Variants in TSPAN12 observed in about 807,000 individuals in gnomAD.
TSPAN12 encodes the protein tetraspanin 12.
A neutral mutation model predicts 39.2 loss-of-function variants in TSPAN12; 19 were observed. That is an observed-to-expected ratio of 0.49 (90% CI 0.34 to 0.71). The LOEUF (loss-of-function observed/expected upper bound fraction) is 0.71, where lower values mean the gene tolerates loss of function less well. Among genes scored for constraint, TSPAN12 ranks in the 30% least tolerant of loss-of-function variants. TSPAN12 has a pLI of 0.01. For missense variants in TSPAN12, 314 were observed against 359.9 expected (o/e 0.87, Z 1.03); for synonymous variants, 119 against 124.8 (o/e 0.95, Z 0.31).
At chr7:120,827,701 C>T (rs1296645617) in intron 4 of TSPAN12, among the ~76,000 whole-genome samples, 1 of 152,148 alleles carries the variant, frequency 6.6e-6, no homozygotes, top group Admixed American at 6.5e-5. Context: ...CCAATGATGA[C>T]GTGAGGAAAG....
chr7:120,806,682 C>A lies in TSPAN12; in HGVS notation c.479G>T (p.Cys160Phe). ...CCAGTCAGTGAAATATACTACTCCA[C>A]AGCACTTAAACTGCAAAAAAAATCA... is the stretch of plus-strand genomic sequence containing the variant. ...WNFFQREFKC[C>F]GVVYFTDWLE... The change falls in exon 7 of 8, where the codon TGT becomes TTT. Residue 160 changes from cysteine (C) to phenylalanine (F), a missense_variant. Coordinates refer to ENST00000222747, the MANE Select transcript of TSPAN12 (RefSeq NM_012338.4). 1 of 1,613,278 alleles carries A rather than the reference C, an allele frequency of 6.2e-7. No homozygotes were observed. The highest frequency in any genetic ancestry group is 8.5e-7 in the Non-Finnish European group (1 of 1,179,432).
At chr7:120,803,449 T>G (rs1793812724) in intron 7 of TSPAN12, among the ~76,000 whole-genome samples, 1 of 152,190 alleles carries the variant, frequency 6.6e-6, no homozygotes, top group Non-Finnish European at 1.5e-5. Flanking sequence ...AGGAAACATA[T>G]GTTCTCCAGG....
chr7:120,803,033 G>T (rs1793804206), intron 7 of TSPAN12, among the ~76,000 whole-genome samples: 1 of 152,154 alleles, frequency 6.6e-6, no homozygotes. Context: ...AGATAAGAGA[G>T]ACCTTGCGGT....
chr7:120,810,126 A>G (rs1205383767), intron 6 of TSPAN12, among the ~76,000 whole-genome samples: 4 of 152,178 alleles, frequency 2.6e-5, no homozygotes, highest in Non-Finnish European at 4.4e-5. Context: ...GAGAGCTCTA[A>G]AAGTCATGAA....
chr7:120,825,402 C>T (rs1376766108), intron 4 of TSPAN12, among the ~76,000 whole-genome samples: 2 of 152,080 alleles, frequency 1.3e-5, no homozygotes, highest in East Asian at 3.9e-4. Context: ...ATTCATCTCC[C>T]CCCAACTAAA....
intron 7 of TSPAN12, among the ~76,000 whole-genome samples, chr7:120,798,353 A>G (rs540773292): frequency 1.3e-5 from 2 of 152,320 alleles, no homozygotes; most frequent in East Asian, 3.9e-4. Context: ...CTACTTGCAG[A>G]GGAGATAATG....
chr7:120,801,227 A>C (rs190459659), intron 7 of TSPAN12, among the ~76,000 whole-genome samples: 111 of 152,202 alleles, frequency 7.3e-4, no homozygotes, highest in African/African-American at 2.6e-3. Flanking sequence ...CACATTTGTC[A>C]TCATGGGGTT....
intron 4 of TSPAN12, among the ~76,000 whole-genome samples, chr7:120,831,827 C>T (rs1023051485): frequency 6.6e-6 from 1 of 151,884 alleles, no homozygotes; most frequent in Non-Finnish European, 1.5e-5. Context: ...AATGTTCTCA[C>T]CACAAAAAAT....
chr7:120,843,906 G>A (rs1344375419), intron 2 of TSPAN12, among the ~76,000 whole-genome samples: 1 of 152,154 alleles, frequency 6.6e-6, no homozygotes, highest in Admixed American at 6.5e-5. Context: ...GTCTATTAAT[G>A]TGGTGTATTA....
intron 4 of TSPAN12, among the ~76,000 whole-genome samples, chr7:120,834,343 T>G (rs1026419534): frequency 1.3e-5 from 2 of 152,156 alleles, no homozygotes; most frequent in African/African-American, 4.8e-5. Context: ...ACAACTTACA[T>G]CTATAAATCT....
At chr7:120,816,757 T>C (rs532766809) in intron 4 of TSPAN12, among the ~76,000 whole-genome samples, 69 of 152,164 alleles carry the variant, frequency 4.5e-4, no homozygotes, top group African/African-American at 1.6e-3. Context: ...CATTATAAAC[T>C]GATAAAATAA....
chr7:120,825,304 C>A (rs1390801787), intron 4 of TSPAN12, among the ~76,000 whole-genome samples: 1 of 152,120 alleles, frequency 6.6e-6, no homozygotes, highest in Non-Finnish European at 1.5e-5. Context: ...ACTAAAAACT[C>A]AGACGGTTTT....
At chr7:120,802,952 T>C (rs960598629) in intron 7 of TSPAN12, among the ~76,000 whole-genome samples, 2 of 152,194 alleles carry the variant, frequency 1.3e-5, no homozygotes, top group South Asian at 2.1e-4. Context: ...TTTATTTCCT[T>C]GACTTCAGAC....
chr7:120,815,645 G>A (rs766416205), intron 5 of TSPAN12, 84 bp downstream of exon 5: 68 of 1,197,342 alleles, frequency 5.7e-5, no homozygotes, highest in Non-Finnish European at 7.9e-5. Context: ...TTTCATAGCG[G>A]AGTGAAAATG....
chr7:120,827,069 G>A (rs1458199041), intron 4 of TSPAN12, among the ~76,000 whole-genome samples: 1 of 152,074 alleles, frequency 6.6e-6, no homozygotes, highest in African/African-American at 2.4e-5. Context: ...CAACAAGTTA[G>A]GAAATGAGAA....
chr7:120,790,822 G>T (rs1243792658), intron 7 of TSPAN12, among the ~76,000 whole-genome samples: 1 of 152,146 alleles, frequency 6.6e-6, no homozygotes, highest in East Asian at 1.9e-4. Flanking sequence ...AAATTAATTT[G>T]CATGGCAACT....
chr7:120,810,425 T>C, intron 6 of TSPAN12, 38 bp downstream of exon 6: 1 of 1,281,506 alleles, frequency 7.8e-7, no homozygotes, highest in Non-Finnish European at 1.1e-6. Flanking sequence ...GTGCACCACT[T>C]ACTTCACTCT....
chr7:120,818,620 TTCATA>T (rs200551974), intron 4 of TSPAN12, among the ~76,000 whole-genome samples: 1 of 152,146 alleles, frequency 6.6e-6, no homozygotes, highest in East Asian at 1.9e-4. Context: ...ATCTGCTTCC[TTCATA>T]TTTCTTTCAT....
intron 2 of TSPAN12, among the ~76,000 whole-genome samples, chr7:120,854,306 A>C (rs1039349747): frequency 3.3e-5 from 5 of 152,222 alleles, no homozygotes; most frequent in Non-Finnish European, 4.4e-5. Flanking sequence ...TATTAATCAT[A>C]ACAGTAACAA....
Sources: gnomAD v4.1 joint callset for allele counts (sites outside exome capture counted in the v4.1 genomes callset) on GRCh38, gnomAD v4.1.1 for gene constraint, MANE v1.5 for transcripts, NCBI Gene and HGNC (gene_info 2026-07-23, HGNC 2026-07-21) for gene names.